Variants in MRPL34 observed in about 807,000 individuals in gnomAD.
MRPL34 encodes large ribosomal subunit protein bL34m.
A neutral mutation model predicts 6.7 loss-of-function variants in MRPL34; 8 were observed. The ratio of observed to expected loss-of-function variants is 1.20; its 90% CI spans 0.70 to 2.16. The LOEUF is 2.16. Among genes scored for constraint, MRPL34 ranks in the 30% most tolerant of loss-of-function variants. The pLI is 0.00. For synonymous variants in MRPL34, 59 were observed against 55.1 expected (o/e 1.07, Z -0.31); for missense variants, 146 against 125.5 (o/e 1.16, Z -0.78).
At chr19:17,305,691 C>A (rs2074142405), upstream of MRPL34, 1 of 633,906 alleles carries the variant, frequency 1.6e-6, no homozygotes, top group South Asian at 1.8e-5. Context: ...GGTGTGTATG[C>A]AGAGCATCCC....
intron 1 of MRPL34, among the ~76,000 whole-genome samples, chr19:17,293,696 T>G (rs558674364): frequency 0.011 from 1,696 of 151,776 alleles, 29 homozygotes; most frequent in African/African-American, 0.039. Context: ...TTTTGTTTTT[T>G]TTTTTTTTTC....
At chr19:17,301,367 C>A (rs1336758703), upstream of MRPL34, 3 of 1,610,680 alleles carry the variant, frequency 1.9e-6, no homozygotes, top group African/African-American at 2.7e-5. Context: ...TTGCGGTACA[C>A]GGTGATCCGG....
upstream of MRPL34, chr19:17,301,461 G>A (rs1292742241): frequency 6.2e-7 from 1 of 1,611,520 alleles, no homozygotes; most frequent in Admixed American, 1.7e-5. Flanking sequence ...CAGCGGCTGG[G>A]GCGGGTCCTG....
upstream of MRPL34, among the ~76,000 whole-genome samples, chr19:17,302,639 T>C (rs1328341443): frequency 6.6e-6 from 1 of 152,170 alleles, no homozygotes; most frequent in African/African-American, 2.4e-5. Flanking sequence ...CCAGACACTC[T>C]GAGAGGAAGC....
At chr19:17,296,670 A>G (rs1029028837) in intron 1 of MRPL34, 6 of 150,466 alleles carry the variant, frequency 4.0e-5, no homozygotes, top group Admixed American at 4.0e-4. Context: ...ACTTTTGGAG[A>G]TTTGAAAAAT....
chr19:17,292,623 G>A (rs771702219), exon 1 of MRPL34: 23 of 1,573,626 alleles, frequency 1.5e-5, no homozygotes, highest in Non-Finnish European at 1.9e-5. Flanking sequence ...CTCCTGCTGC[G>A]GCTGTGCTCA....
At chr19:17,305,782 T>G (rs1201947386), upstream of MRPL34, 1 of 146,230 alleles carries the variant, frequency 6.8e-6, no homozygotes. Context: ...CAACGGCCTC[T>G]TTTTTGCACG....
At chr19:17,300,327 T>TG (rs2074111717), upstream of MRPL34, among the ~76,000 whole-genome samples, 1 of 151,898 alleles carries the variant, frequency 6.6e-6, no homozygotes, top group Non-Finnish European at 1.5e-5. Flanking sequence ...GCCTCAGCCC[T>TG]TAAGTAGGTG....
At chr19:17,299,851 T>G (rs2074109581), upstream of MRPL34, among the ~76,000 whole-genome samples, 1 of 152,034 alleles carries the variant, frequency 6.6e-6, no homozygotes, top group African/African-American at 2.4e-5. Context: ...TCTCCAATGA[T>G]CCATCCACAA....
At chr19:17,294,156 A>G (rs1040202977) in intron 1 of MRPL34, 110 of 1,142,456 alleles carry the variant, frequency 9.6e-5, no homozygotes, top group Non-Finnish European at 1.2e-4. Flanking sequence ...GGCCACGCCC[A>G]CCCGGCAGCC....
chr19:17,294,168 C>T, intron 1 of MRPL34: 3 of 1,273,474 alleles, frequency 2.4e-6, no homozygotes, highest in Non-Finnish European at 1.1e-6. Context: ...CCGGCAGCCA[C>T]GCCCCCTCGG....
chr19:17,299,378 G>A (rs1018462376), upstream of MRPL34, among the ~76,000 whole-genome samples: 14 of 151,828 alleles, frequency 9.2e-5, no homozygotes, highest in Non-Finnish European at 1.8e-4. Flanking sequence ...TGGCTAACAC[G>A]GTGAAACCCC....
chr19:17,296,886 G>A (rs13343778), intron 1 of MRPL34, among the ~76,000 whole-genome samples: 3 of 151,792 alleles, frequency 2.0e-5, no homozygotes, highest in Non-Finnish European at 4.4e-5. Context: ...GTAGAGACGG[G>A]GTTTCACCGT....
At chr19:17,305,582 T>G, upstream of MRPL34, 10 of 375,344 alleles carry the variant, frequency 2.7e-5, no homozygotes, top group Non-Finnish European at 4.5e-5. Flanking sequence ...TGCCGGTCAA[T>G]AGGAGAGAGA....
At chr19:17,301,515 G>T (rs2074118639), upstream of MRPL34, 4 of 1,611,254 alleles carry the variant, frequency 2.5e-6, no homozygotes, top group Non-Finnish European at 2.5e-6. Context: ...CCTCTACAAA[G>T]GTGTAGCCAT....
chr19:17,293,098 CT>C (rs71334701), intron 1 of MRPL34, among the ~76,000 whole-genome samples: 51,088 of 135,648 alleles, frequency 0.38, 9,151 homozygotes, highest in African/African-American at 0.46. Flanking sequence ...TCTTTTCTTT[CT>C]TTTTTTTTTT....
At chr19:17,292,613 C>T in exon 1 of MRPL34, 3 of 1,552,830 alleles carry the variant, frequency 1.9e-6, no homozygotes, top group Non-Finnish European at 2.6e-6. Context: ...CTCGGGCCTC[C>T]TCCTGCTGCG....
chr19:17,293,849 T>C (rs2074081585), intron 1 of MRPL34, among the ~76,000 whole-genome samples: 1 of 152,026 alleles, frequency 6.6e-6, no homozygotes, highest in Admixed American at 6.6e-5. Flanking sequence ...GTGAACCACC[T>C]CGCCGGGCTA....
upstream of MRPL34, among the ~76,000 whole-genome samples, chr19:17,299,168 G>A (rs111340732): frequency 0.038 from 5,845 of 151,996 alleles, 163 homozygotes; most frequent in Middle Eastern, 0.14. Context: ...CCACCACATC[G>A]GGAGGCCAAG....
Sources: allele counts gnomAD v4.1 joint callset (sites outside exome capture counted in the v4.1 genomes callset), GRCh38; gene constraint gnomAD v4.1.1; transcripts MANE v1.5; gene names NCBI Gene and HGNC (gene_info 2026-07-23, HGNC 2026-07-21).